DECR1: variants seen among roughly 807,000 people sequenced by gnomAD.
The protein encoded by DECR1 is 2,4-dienoyl-CoA reductase 1.
DECR1 carries 44 observed loss-of-function variants against 38.8 expected under a neutral mutation model. The ratio of observed to expected loss-of-function variants is 1.13; its 90% confidence interval spans 0.89 to 1.46. DECR1 has a LOEUF of 1.46. Ranked by LOEUF, DECR1 falls within the 40% of genes most tolerant of loss-of-function variation. The pLI is 0.00. For missense variants in DECR1, 428 were observed against 405.5 expected, an observed-to-expected ratio of 1.06 and a Z score of -0.48; for synonymous variants, 148 against 135.2, an observed-to-expected ratio of 1.09 and a Z score of -0.66.
At chr8:90,046,988 A>G (rs535145155) in intron 8 of DECR1, among the ~76,000 whole-genome samples, 84 of 152,306 alleles carry the variant, frequency 5.5e-4, no homozygotes, top group African/African-American at 2.0e-3. Context: ...AAATGCTGAG[A>G]TTTTGTCACC....
chr8:90,037,060 C>G, intron 6 of DECR1, 120 bp downstream of exon 6: 1 of 666,748 alleles, frequency 1.5e-6, no homozygotes, highest in South Asian at 1.8e-5. Flanking sequence ...CTTGGATTCA[C>G]CATGAGACAT....
intron 7 of DECR1, among the ~76,000 whole-genome samples, chr8:90,043,096 G>A (rs570943354): frequency 6.6e-6 from 1 of 152,144 alleles, no homozygotes; most frequent in South Asian, 2.1e-4. Context: ...GTCTGTTATT[G>A]TCCTGTATTT....
chr8:90,016,852 A>G, intron 1 of DECR1: 1 of 366,176 alleles, frequency 2.7e-6, no homozygotes, highest in South Asian at 2.8e-5. Flanking sequence ...CATTTTGTAG[A>G]TGAAGGAACT....
chr8:90,022,149 A>C (rs984921464), intron 5 of DECR1, among the ~76,000 whole-genome samples: 1 of 152,086 alleles, frequency 6.6e-6, no homozygotes, highest in African/African-American at 2.4e-5. Flanking sequence ...AAAATGAGGA[A>C]GCGTTCTCAT....
intron 1 of DECR1, chr8:90,006,323 G>C: frequency 1.4e-6 from 1 of 704,060 alleles, no homozygotes; most frequent in Non-Finnish European, 2.6e-6. Context: ...ATATATCAAA[G>C]CTGAGACCTG....
In DECR1 at chr8:90,005,975, G is replaced by C. The variant is rs1812728408; in HGVS notation, c.69+4414G>C. The C allele has an allele frequency of 5.7e-6, 3 of 529,254 alleles. No homozygotes were observed. In the Admixed American group the frequency reaches 9.5e-5, roughly 17 times the overall value. 32.8% of individuals were successfully genotyped at this position (529,254 alleles called of 1,614,324 possible). ...GTGAGAGGGTGTTGGGAGGTGCCAGGTTCTTTCACAACCTGCTTTAGTGGG... is the reference window on the plus strand; with the variant it reads ...GTGAGAGGGTGTTGGGAGGTGCCAGCTTCTTTCACAACCTGCTTTAGTGGG... On this transcript the variant is annotated intron_variant, in intron 1 of 9. Transcript: ENST00000220764.
At chr8:90,035,152 A>G (rs1475300225) in intron 5 of DECR1, among the ~76,000 whole-genome samples, 4 of 152,080 alleles carry the variant, frequency 2.6e-5, no homozygotes, top group Non-Finnish European at 2.9e-5. Flanking sequence ...AGGATTCTAT[A>G]TATCATTGGT....
chr8:90,030,096 T>C (rs975190444), intron 5 of DECR1, among the ~76,000 whole-genome samples: 1 of 152,102 alleles, frequency 6.6e-6, no homozygotes, highest in African/African-American at 2.4e-5. Context: ...CATTAGAGTA[T>C]CATAAGGAAT....
chr8:90,002,503 A>C (rs1488225915), intron 1 of DECR1, among the ~76,000 whole-genome samples: 4 of 152,190 alleles, frequency 2.6e-5, no homozygotes, highest in Non-Finnish European at 5.9e-5. Flanking sequence ...AAAAGAAGCA[A>C]TAATATCCAA....
chr8:90,037,048 G>T lies in DECR1; in HGVS notation c.665+108G>T, dbSNP rs534761433. The T allele has an allele frequency of 1.3e-4, 98 of 736,434 alleles. No homozygotes were observed. The South Asian group carries it at 1.6e-3, about 12-fold the overall frequency. The allele number at this position is 736,434 out of a possible 1,614,324, so 45.6% of individuals were successfully genotyped here. ...GTCCATCCAGAGAAAAGTAAACAAAGACTTGGATTCACCATGAGACATACA... is the reference window on the plus strand; with the variant it reads ...GTCCATCCAGAGAAAAGTAAACAAATACTTGGATTCACCATGAGACATACA... On this transcript the variant is annotated intron_variant, in intron 6 of 9. Coordinates refer to ENST00000220764, the MANE Select transcript of DECR1 (RefSeq NM_001359.2).
At chr8:90,016,876 G>A (rs1047345685) in intron 1 of DECR1, 1 of 410,972 alleles carries the variant, frequency 2.4e-6, no homozygotes. Flanking sequence ...GCACAGAGAG[G>A]TCAAATAACC....
intron 1 of DECR1, chr8:90,016,869 C>T (rs1190604230): frequency 2.0e-5 from 8 of 397,142 alleles, no homozygotes; most frequent in African/African-American, 2.1e-5. Context: ...AACTGAGGCA[C>T]AGAGAGGTCA....
intron 8 of DECR1, among the ~76,000 whole-genome samples, chr8:90,051,184 AAAAG>A (rs1373752726): frequency 4.6e-5 from 7 of 151,924 alleles, no homozygotes; most frequent in Non-Finnish European, 1.0e-4. Flanking sequence ...TAAAAAAAAA[AAAAG>A]AAAAGAGGTT....
intron 1 of DECR1, among the ~76,000 whole-genome samples, chr8:90,002,072 A>G (rs1231361582): frequency 6.6e-6 from 1 of 152,138 alleles, no homozygotes; most frequent in Non-Finnish European, 1.5e-5. Context: ...TGATGTGTGT[A>G]GGGGAATAGG....
chr8:90,032,351 T>C (rs1294363959), intron 5 of DECR1, among the ~76,000 whole-genome samples: 3 of 152,182 alleles, frequency 2.0e-5, no homozygotes, highest in Middle Eastern at 3.2e-3. Flanking sequence ...GCTTAGGGAC[T>C]GACTTTCTCT....
chr8:90,008,987 C>T (rs1563615844), intron 1 of DECR1, among the ~76,000 whole-genome samples: 1 of 152,042 alleles, frequency 6.6e-6, no homozygotes, highest in African/African-American at 2.4e-5. Context: ...CAACCTTGCC[C>T]TCTACACTCC....
chr8:90,046,840 A>G (rs1405093838), intron 8 of DECR1, among the ~76,000 whole-genome samples: 4 of 152,232 alleles, frequency 2.6e-5, no homozygotes, highest in African/African-American at 7.2e-5. Flanking sequence ...TGGATCTCTC[A>G]GCAGAAACTA....
chr8:90,042,707 G>C, intron 6 of DECR1, 21 bp from the exon 7 acceptor site: 1 of 1,597,618 alleles, frequency 6.3e-7, no homozygotes, highest in Non-Finnish European at 8.6e-7. Flanking sequence ...CAGAATGTAT[G>C]TTGTTGATTT....
chr8:90,042,788 T>C lies in DECR1; in HGVS notation c.726T>C (p.Pro242=), dbSNP rs761189427. ...GATTCAATGTGATTCAACCAGGGCCTATAAAAACCAAAGTAAGTTGTATTT... is the reference window on the plus strand; with the variant it reads ...GATTCAATGTGATTCAACCAGGGCCCATAAAAACCAAAGTAAGTTGTATTT... The part of the protein sequence containing the change: ...GMRFNVIQPG[P]IKTKGAFSRL... The change falls in exon 7 of 10, where the codon CCT becomes CCC. Residue 242 remains proline (P), a synonymous_variant. Transcript: ENST00000220764. 5 of 1,613,108 alleles carry C rather than the reference T, an allele frequency of 3.1e-6. No homozygotes were observed. The highest frequency in any genetic ancestry group is 2.2e-5 in the East Asian group (1 of 44,856).
Sources: gnomAD v4.1 joint callset for allele counts (sites outside exome capture counted in the v4.1 genomes callset) on GRCh38, gnomAD v4.1.1 for gene constraint, MANE v1.5 for transcripts, NCBI Gene and HGNC (gene_info 2026-07-23, HGNC 2026-07-21) for gene names.